LDB2: variants seen among roughly 807,000 people sequenced by gnomAD.
LDB2 encodes the protein LIM domain binding 2, also known as LIM domain-binding protein 2.
Under a neutral mutation model 44.3 loss-of-function variants are expected in LDB2, and 12 were observed. That is an observed-to-expected ratio of 0.27 (90% CI 0.17 to 0.44). The LOEUF is 0.44. Among genes scored for constraint, LDB2 ranks in the 20% least tolerant of loss-of-function variants. The pLI, the probability that LDB2 is intolerant of heterozygous loss-of-function variation, is 1.00. For synonymous variants in LDB2, 164 were observed against 174.8 expected, an observed-to-expected ratio of 0.94 and a Z score of 0.49; for missense variants, 344 against 473.5, an observed-to-expected ratio of 0.73 and a Z score of 2.54.
chr4:16,739,294 A>G (rs1762474420), intron 2 of LDB2, among the ~76,000 whole-genome samples: 1 of 151,776 alleles, frequency 6.6e-6, no homozygotes, highest in Admixed American at 6.6e-5. Flanking sequence ...ATTTCAAAAT[A>G]TATTAAAGTA....
In LDB2 at chr4:16,582,301, A is replaced by G. The variant is rs1288068437; in HGVS notation, c.615+3621T>C. Among the ~76,000 whole-genome samples, 1 of 152,220 alleles carries G rather than the reference A, an allele frequency of 6.6e-6. No individual in the cohort carries two copies. Among genetic ancestry groups the G allele is most frequent in the Non-Finnish European group, 1.5e-5 (1 of 68,030 alleles). Reference sequence around the variant, plus strand: ...AATGGGCAAACAGGATCTGGTGGGAACTGACAAGGCTCCACAGCCAGGTCT... The same window carrying G: ...AATGGGCAAACAGGATCTGGTGGGAGCTGACAAGGCTCCACAGCCAGGTCT... On this transcript the variant is annotated intron_variant, in intron 5 of 7. Coordinates refer to ENST00000304523, the MANE Select transcript of LDB2 (RefSeq NM_001290.5). The surrounding 1 kb of genome is among the most constrained non-coding windows in gnomAD (Gnocchi z 4.8).
intron 1 of LDB2, among the ~76,000 whole-genome samples, chr4:16,770,469 GC>G (rs1458272595): frequency 5.9e-5 from 9 of 152,116 alleles, no homozygotes; most frequent in African/African-American, 1.9e-4. Context: ...CAGTGAAAAT[GC>G]ACAGAGTTTC....
At chr4:16,564,125 GACTC>G (rs777526530) in intron 5 of LDB2, among the ~76,000 whole-genome samples, 1 of 152,096 alleles carries the variant, frequency 6.6e-6, no homozygotes, top group Non-Finnish European at 1.5e-5. Flanking sequence ...ATACTCAAAA[GACTC>G]ACAGCTTATA....
At chr4:16,644,309 G>C (rs1400158494) in intron 2 of LDB2, among the ~76,000 whole-genome samples, 3 of 152,248 alleles carry the variant, frequency 2.0e-5, no homozygotes, top group African/African-American at 7.2e-5. Context: ...CCAAGCTCCA[G>C]GTGTTTTCTT....
intron 1 of LDB2, among the ~76,000 whole-genome samples, chr4:16,807,128 A>G (rs1778931121): frequency 6.6e-6 from 1 of 152,166 alleles, no homozygotes; most frequent in South Asian, 2.1e-4. Context: ...TTGCCTCTGA[A>G]AGCCAATCCT....
At chr4:16,819,085 T>C (rs1781462241) in intron 1 of LDB2, among the ~76,000 whole-genome samples, 1 of 100,876 alleles carries the variant, frequency 9.9e-6, no homozygotes, top group South Asian at 3.9e-4. Flanking sequence ...GTTTCAGTTG[T>C]GGTTGCTTGT....
At position 16,508,554 on chromosome 4, in the gene LDB2, C is replaced by G. The variant is rs769987663; in HGVS notation, c.872G>C (p.Ser291Thr). The G allele has an allele frequency of 6.2e-7, 1 of 1,601,126 alleles. No individual in the cohort carries two copies. Among genetic ancestry groups the G allele is most frequent in the South Asian group, 1.1e-5 (1 of 88,492 alleles). ...SKKKTTAANL[S>T]LSSQVPDVMV... ...ACTTACAGGTACCTGACTGGACAGA[C>G]TCAGGTTTGCAGCTGTGGTCTTCTT... is the stretch of plus-strand genomic sequence containing the variant. The change falls in exon 7 of 8, where the codon AGT becomes ACT. Residue 291 changes from serine to threonine, a missense_variant. By Grantham distance (58) the Ser-to-Thr change is moderately conservative. This residue lies in a region of LDB2 where 86 missense variants were observed against 171.2 expected (regional missense o/e 0.50). Transcript: ENST00000304523.
chr4:16,875,489 T>C (rs1004215612), intron 1 of LDB2, among the ~76,000 whole-genome samples: 3 of 152,184 alleles, frequency 2.0e-5, no homozygotes, highest in Non-Finnish European at 4.4e-5. Context: ...AGAAAACTTA[T>C]GATCAATTTT....
chr4:16,635,109 G>A (rs1300029152), intron 2 of LDB2, among the ~76,000 whole-genome samples: 1 of 152,128 alleles, frequency 6.6e-6, no homozygotes, highest in African/African-American at 2.4e-5. Flanking sequence ...CATGGACACA[G>A]GGAGGGGAAC....
At chr4:16,551,669 C>T (rs2152349477) in intron 5 of LDB2, among the ~76,000 whole-genome samples, 1 of 152,196 alleles carries the variant, frequency 6.6e-6, no homozygotes, top group East Asian at 1.9e-4. Context: ...AGGCGCCTGC[C>T]ACCACGCCCA....
At chr4:16,530,610 A>T (rs1407429903) in intron 5 of LDB2, among the ~76,000 whole-genome samples, 1 of 152,236 alleles carries the variant, frequency 6.6e-6, no homozygotes, top group East Asian at 1.9e-4. Flanking sequence ...TTCTGAAAAC[A>T]TAAAATAAGG....
intron 5 of LDB2, among the ~76,000 whole-genome samples, chr4:16,569,573 A>G (rs898268509): frequency 6.6e-6 from 1 of 152,136 alleles, no homozygotes; most frequent in African/African-American, 2.4e-5. Context: ...ATGGAAGTGA[A>G]TGAGTCCTTC....
At chr4:16,616,128 A>G (rs1166170430) in intron 2 of LDB2, among the ~76,000 whole-genome samples, 1 of 152,162 alleles carries the variant, frequency 6.6e-6, no homozygotes. Context: ...TACTGTATCA[A>G]CCATTCCCCC....
intron 5 of LDB2, among the ~76,000 whole-genome samples, chr4:16,530,413 T>G (rs1729746353): frequency 6.6e-6 from 1 of 151,144 alleles, no homozygotes; most frequent in Non-Finnish European, 1.5e-5. Flanking sequence ...CCTATGACAT[T>G]CAGGACTTTC....
chr4:16,679,542 AAAGTT>A (rs1223886970), intron 2 of LDB2, among the ~76,000 whole-genome samples: 1 of 152,190 alleles, frequency 6.6e-6, no homozygotes, highest in Non-Finnish European at 1.5e-5. Flanking sequence ...AAAATGAGGC[AAAGTT>A]AAGTGACCTG....
rs371944562 is a variant in LDB2 at position 16,572,250 on chromosome 4, A to G, written c.615+13672T>C. Among the ~76,000 whole-genome samples the G allele has an allele frequency of 3.3e-5, 5 of 152,112 alleles. No homozygotes were observed. The East Asian group carries it at 5.8e-4, about 18-fold the overall frequency. On this transcript the variant is annotated intron_variant, in intron 5 of 7. Coordinates refer to ENST00000304523, the MANE Select transcript of LDB2 (RefSeq NM_001290.5). ...TTTTTTTTGTTTTTGTTTTTTAACC[A>G]TTCTAGACAATTGGGAAGACTGTTT...
intron 2 of LDB2, among the ~76,000 whole-genome samples, chr4:16,740,783 T>C (rs1415483909): frequency 6.6e-6 from 1 of 152,244 alleles, no homozygotes; most frequent in Non-Finnish European, 1.5e-5. Context: ...CATATTTTCA[T>C]TCATAGTTTG....
At chr4:16,746,437 T>G (rs921246251) in intron 2 of LDB2, among the ~76,000 whole-genome samples, 13 of 151,906 alleles carry the variant, frequency 8.6e-5, no homozygotes, top group Non-Finnish European at 1.6e-4. Context: ...CAGTCTTGAT[T>G]TTTTTTTCTT....
At chr4:16,523,550 C>T (rs1271715577) in intron 5 of LDB2, among the ~76,000 whole-genome samples, 1 of 152,144 alleles carries the variant, frequency 6.6e-6, no homozygotes, top group East Asian at 1.9e-4. Flanking sequence ...CATACTGCGA[C>T]AGTCGATCTG....
Sources: gnomAD v4.1 joint callset for allele counts (sites outside exome capture counted in the v4.1 genomes callset) on GRCh38, gnomAD v4.1.1 for gene constraint, gnomAD v4.1.1 regional missense constraint, Gnocchi (gnomAD v3.1) non-coding constraint, MANE v1.5 for transcripts, NCBI Gene and HGNC (gene_info 2026-07-23, HGNC 2026-07-21) for gene names.